WIPF3: variants seen among roughly 807,000 people sequenced by gnomAD.
The protein encoded by WIPF3 is WAS/WASL-interacting protein family member 3.
In WIPF3, 33 loss-of-function variants were observed where a neutral mutation model predicts 38.9. The observed-to-expected ratio is 0.85, with a 90% CI of 0.64 to 1.14. The LOEUF (loss-of-function observed/expected upper bound fraction) is 1.14. Among genes scored for constraint, WIPF3 ranks in the 50% most tolerant of loss-of-function variants. The pLI is 0.00. For missense variants in WIPF3, 711 were observed against 652.5 expected, an observed-to-expected ratio of 1.09 and a Z score of -0.98; for synonymous variants, 324 against 269.3, an observed-to-expected ratio of 1.20 and a Z score of -1.99.
rs970633114 is a variant in WIPF3, at chr7:29,823,227, G to A, written c.-57-11441G>A. Among the ~76,000 whole-genome samples the A allele has an allele frequency of 6.6e-6, 1 of 152,042 alleles. No individual in the cohort carries two copies. The highest frequency in any genetic ancestry group is 2.4e-5 in the African/African-American group (1 of 41,378). ...CCTTGCTTTTTGTCATGCCAGAGAAGCCTTTTCTAGTGTGCACTGTAAGCT... is the reference window on the plus strand; with the variant it reads ...CCTTGCTTTTTGTCATGCCAGAGAAACCTTTTCTAGTGTGCACTGTAAGCT... On this transcript the variant is annotated intron_variant, in intron 1 of 8. Transcript: ENST00000242140. The surrounding 1 kb of genome is among the most constrained non-coding windows in gnomAD (Gnocchi z 4.0).
At chr7:29,840,448 T>A (rs531449936) in intron 2 of WIPF3, among the ~76,000 whole-genome samples, 1 of 152,338 alleles carries the variant, frequency 6.6e-6, no homozygotes, top group South Asian at 2.1e-4. Context: ...GGTAGTAGTT[T>A]TTAACTTTTT....
intron 1 of WIPF3, among the ~76,000 whole-genome samples, chr7:29,822,363 C>A (rs1407792493): frequency 6.6e-6 from 1 of 152,090 alleles, no homozygotes; most frequent in African/African-American, 2.4e-5. Flanking sequence ...GCATCTGTGC[C>A]TGCAAATAAT....
chr7:29,914,591 A>T lies in WIPF3; in HGVS notation c.*75A>T. ...GTCAGACCCCACCCACCCCATGCTC[A>T]AGCTGTAATTCAGTTGGCATACAGG... On this transcript the variant is annotated 3_prime_UTR_variant, in exon 9 of 9. Transcript: ENST00000242140. The T allele has an allele frequency of 8.7e-7, 1 of 1,148,502 alleles. No homozygotes were observed. The highest frequency in any genetic ancestry group is 1.2e-6 in the Non-Finnish European group (1 of 852,324). 71.1% of individuals were successfully genotyped at this position (1,148,502 alleles called of 1,614,324 possible). A position where few individuals can be genotyped will look rare whatever the true frequency, so the allele number is the denominator to read the frequency against.
chr7:29,893,061 A>G, intron 7 of WIPF3, among the ~76,000 whole-genome samples: 1 of 151,688 alleles, frequency 6.6e-6, no homozygotes, highest in Non-Finnish European at 1.5e-5. Flanking sequence ...GCAAAATTCC[A>G]TCTAAAAACA....
chr7:29,881,415 A>T (rs1244776576), intron 4 of WIPF3, among the ~76,000 whole-genome samples: 1 of 152,206 alleles, frequency 6.6e-6, no homozygotes, highest in Non-Finnish European at 1.5e-5. Context: ...GGTGGCTGAC[A>T]TTCATTAGGG....
chr7:29,811,588 A>T (rs1418657951), intron 1 of WIPF3, among the ~76,000 whole-genome samples: 1 of 152,124 alleles, frequency 6.6e-6, no homozygotes, highest in African/African-American at 2.4e-5. Context: ...ATAAAAACAG[A>T]TTGGTTACAC....
At chr7:29,824,607 T>C (rs557426122) in intron 1 of WIPF3, among the ~76,000 whole-genome samples, 1 of 147,630 alleles carries the variant, frequency 6.8e-6, no homozygotes, top group African/African-American at 2.5e-5. Context: ...GTGATGTGGG[T>C]AAAACGGAGG....
chr7:29,909,695 G>A (rs551630404), intron 8 of WIPF3, among the ~76,000 whole-genome samples: 122 of 152,222 alleles, frequency 8.0e-4, no homozygotes, highest in African/African-American at 2.8e-3. Context: ...CCAGGAGTCT[G>A]AGCCAGCCTA....
intron 7 of WIPF3, among the ~76,000 whole-genome samples, chr7:29,901,383 ATTTTTTTTTT>A (rs543723994): frequency 0.018 from 2,252 of 122,150 alleles, 32 homozygotes; most frequent in Middle Eastern, 0.035. Context: ...AGCAGCAGTG[ATTTTTTTTTT>A]TTTTTTTTTT....
chr7:29,870,887 A>G (rs11975559), intron 2 of WIPF3, among the ~76,000 whole-genome samples: 22,677 of 150,324 alleles, frequency 0.15, 2,000 homozygotes, highest in African/African-American at 0.24. Flanking sequence ...AACCCAGGAG[A>G]GGGAGGTGGC....
chr7:29,896,417 C>T (rs927926885), intron 7 of WIPF3, among the ~76,000 whole-genome samples: 3 of 152,134 alleles, frequency 2.0e-5, no homozygotes, highest in Non-Finnish European at 2.9e-5. Flanking sequence ...GAGCTCGAGA[C>T]GAGCCTGGGC....
intron 8 of WIPF3, chr7:29,904,580 C>T (rs1187571685): frequency 1.9e-6 from 1 of 527,204 alleles, no homozygotes; most frequent in Non-Finnish European, 3.4e-6. Flanking sequence ...CTGGAATCAC[C>T]ACTACATATA....
intron 6 of WIPF3, 58 bp from the exon 7 acceptor site, chr7:29,889,248 T>G (rs1785956106): frequency 6.9e-7 from 1 of 1,443,906 alleles, no homozygotes; most frequent in Admixed American, 1.8e-5. Context: ...CTGGAAATGA[T>G]CAAAACTTGG....
intron 3 of WIPF3, among the ~76,000 whole-genome samples, chr7:29,876,727 C>G (rs1420686647): frequency 1.3e-5 from 2 of 152,158 alleles, no homozygotes; most frequent in Non-Finnish European, 2.9e-5. Flanking sequence ...TTTTGTTTCA[C>G]TTTTCACAAG....
chr7:29,889,160 A>G (rs1473533067), intron 6 of WIPF3, 146 bp from the exon 7 acceptor site: 4 of 654,630 alleles, frequency 6.1e-6, no homozygotes, highest in Admixed American at 2.4e-5. Flanking sequence ...CTTAGGGAGA[A>G]TGGCCCTGTT....
At chr7:29,879,171 G>A (rs973326936) in intron 4 of WIPF3, 31 bp downstream of exon 4, 3 of 1,598,456 alleles carry the variant, frequency 1.9e-6, no homozygotes, top group Non-Finnish European at 2.6e-6. Flanking sequence ...GCTCCCTTGT[G>A]GTCTGTATCT....
At chr7:29,852,669 A>T (rs1379085567) in intron 2 of WIPF3, among the ~76,000 whole-genome samples, 1 of 152,204 alleles carries the variant, frequency 6.6e-6, no homozygotes. Context: ...GTCTTCCCCA[A>T]GAAACAGGTG....
At chr7:29,890,749 T>G (rs1785991231) in intron 7 of WIPF3, among the ~76,000 whole-genome samples, 1 of 129,300 alleles carries the variant, frequency 7.7e-6, no homozygotes, top group Admixed American at 8.0e-5. Flanking sequence ...TGTGCTCAGG[T>G]GGAGGGGGCT....
chr7:29,845,141 C>T (rs965121206), intron 2 of WIPF3, among the ~76,000 whole-genome samples: 7 of 150,510 alleles, frequency 4.7e-5, no homozygotes, highest in Non-Finnish European at 7.4e-5. Flanking sequence ...ATATTGTCCT[C>T]GGAATAAAAC....
Sources: gnomAD v4.1 joint callset for allele counts (sites outside exome capture counted in the v4.1 genomes callset) on GRCh38, gnomAD v4.1.1 for gene constraint, Gnocchi (gnomAD v3.1) non-coding constraint, MANE v1.5 for transcripts, NCBI Gene and HGNC (gene_info 2026-07-23, HGNC 2026-07-21) for gene names.